The following FNDC3B variants were observed in gnomAD, a reference collection of about 807,000 sequenced individuals.
The protein encoded by FNDC3B is fibronectin type III domain-containing protein 3B.
A neutral mutation model predicts 151.5 loss-of-function variants in FNDC3B; 12 were observed. The ratio of observed to expected loss-of-function variants is 0.08; its 90% CI spans 0.05 to 0.13. The LOEUF is 0.13. FNDC3B is among the 10% of genes least tolerant of loss of function. The pLI is 1.00. For missense variants in FNDC3B, 1,214 were observed against 1,505.3 expected (o/e 0.81, Z 3.20); for synonymous variants, 528 against 549.0 (o/e 0.96, Z 0.54).
In FNDC3B at chr3:172,185,874, G is replaced by C. The variant is rs574610292; in HGVS notation, c.188-40997G>C. On this transcript the variant is annotated intron_variant, in intron 3 of 25. Coordinates refer to ENST00000415807, the MANE Select transcript of FNDC3B (RefSeq NM_022763.4). ...CTTTGCCACTCTCAAATTCAGTCCAGTAAGTGTATTGAATTTTCACCAAAT... is the reference window on the plus strand; with the variant it reads ...CTTTGCCACTCTCAAATTCAGTCCACTAAGTGTATTGAATTTTCACCAAAT... 4.6e-5 allele frequency among the ~76,000 whole-genome samples: 7 copies of C among 152,336 alleles called. No homozygotes were observed. The South Asian group carries it at 1.4e-3, about 32-fold the overall frequency.
Position 172,082,491 on chromosome 3 carries a change from A to G in FNDC3B, c.-28-29961A>G, listed in dbSNP as rs569248482. 2.6e-5 allele frequency among the ~76,000 whole-genome samples: 4 copies of G among 152,216 alleles called. No individual in the cohort carries two copies. The South Asian group carries it at 8.3e-4, about 32-fold the overall frequency. On this transcript the variant is annotated intron_variant, in intron 1 of 25. Transcript: ENST00000415807. ...AGGACAGCCAAATTCCATTATAAGC[A>G]CATCATGGGATTATAGGGCCGGGAG...
chr3:172,272,666 A>G (rs1031412606), intron 6 of FNDC3B, among the ~76,000 whole-genome samples: 1 of 152,200 alleles, frequency 6.6e-6, no homozygotes, highest in African/African-American at 2.4e-5. Context: ...CTAAAAACCG[A>G]ATATGATGAT....
intron 9 of FNDC3B, among the ~76,000 whole-genome samples, chr3:172,299,052 T>C (rs1420881016): frequency 1.3e-5 from 2 of 152,246 alleles, no homozygotes; most frequent in Non-Finnish European, 2.9e-5. Flanking sequence ...CTAAGATCTA[T>C]TGGACTATGG....
intron 21 of FNDC3B, among the ~76,000 whole-genome samples, chr3:172,349,523 GT>G (rs1733760620): frequency 6.6e-6 from 1 of 152,120 alleles, no homozygotes; most frequent in Non-Finnish European, 1.5e-5. Flanking sequence ...ATCAAGAAAT[GT>G]TTTCCATAGA....
intron 1 of FNDC3B, among the ~76,000 whole-genome samples, chr3:172,090,448 A>G (rs1428916157): frequency 1.3e-5 from 2 of 152,062 alleles, no homozygotes; most frequent in Non-Finnish European, 2.9e-5. Context: ...AAACAAACAA[A>G]CAAACAGGGA....
Position 172,101,556 on chromosome 3 carries a change from T to C in FNDC3B, c.-28-10896T>C, listed in dbSNP as rs143730895. Among the ~76,000 whole-genome samples the C allele has an allele frequency of 7.7e-3, 1,167 of 152,324 alleles. 8 individuals carry two copies. Among genetic ancestry groups the C allele is most frequent in the Non-Finnish European group, 0.011 (768 of 68,032 alleles). ...GGTACCTTTCAGCTAGGTCCTTCTT[T>C]TGGAATATTGTTATTATTAAAGGGA... On this transcript the variant is annotated intron_variant, in intron 1 of 25. Transcript: ENST00000415807.
intron 11 of FNDC3B, among the ~76,000 whole-genome samples, chr3:172,325,303 G>A (rs1254170073): frequency 6.6e-6 from 1 of 152,138 alleles, no homozygotes; most frequent in Non-Finnish European, 1.5e-5. Context: ...AGGCGGGAAC[G>A]TGCCATAGAT....
At chr3:172,104,651 C>T (rs1254322144) in intron 1 of FNDC3B, among the ~76,000 whole-genome samples, 2 of 152,144 alleles carry the variant, frequency 1.3e-5, no homozygotes, top group African/African-American at 4.8e-5. Flanking sequence ...GCTAATTCCA[C>T]ATGGGCAGAG....
intron 6 of FNDC3B, among the ~76,000 whole-genome samples, chr3:172,265,398 G>T (rs997520550): frequency 2.0e-5 from 3 of 151,996 alleles, no homozygotes; most frequent in African/African-American, 7.2e-5. Context: ...GATGTTTTTT[G>T]CAAATAGATA....
chr3:172,158,020 C>A (rs1722582610), intron 3 of FNDC3B, among the ~76,000 whole-genome samples: 2 of 152,140 alleles, frequency 1.3e-5, no homozygotes, highest in Non-Finnish European at 2.9e-5. Flanking sequence ...CTCCTTCTAC[C>A]CTGTGTGGAC....
intron 6 of FNDC3B, among the ~76,000 whole-genome samples, chr3:172,264,479 A>G (rs936011305): frequency 1.3e-5 from 2 of 152,172 alleles, no homozygotes; most frequent in African/African-American, 4.8e-5. Context: ...ATTCTCATTC[A>G]TCTCTTTTTC....
At chr3:172,189,216 G>T (rs1724372423) in intron 3 of FNDC3B, among the ~76,000 whole-genome samples, 1 of 151,936 alleles carries the variant, frequency 6.6e-6, no homozygotes, top group South Asian at 2.1e-4. Context: ...GTTATTTTAG[G>T]GGGGAAGATT....
intron 23 of FNDC3B, among the ~76,000 whole-genome samples, chr3:172,371,463 C>T (rs553685): frequency 0.041 from 6,218 of 152,250 alleles, 162 homozygotes; most frequent in Non-Finnish European, 0.061. Context: ...AAAACTCATG[C>T]GTGCTTATTG....
chr3:172,363,166 T>C (rs890692693), intron 23 of FNDC3B, among the ~76,000 whole-genome samples: 6 of 152,160 alleles, frequency 3.9e-5, no homozygotes, highest in Admixed American at 2.0e-4. Flanking sequence ...AGCATTATAT[T>C]AGTCATGAGT....
intron 1 of FNDC3B, among the ~76,000 whole-genome samples, chr3:172,110,380 A>G (rs1366263203): frequency 6.6e-6 from 1 of 152,100 alleles, no homozygotes; most frequent in Non-Finnish European, 1.5e-5. Flanking sequence ...GTTGGACCAC[A>G]TGGAGTATAG....
intron 13 of FNDC3B, among the ~76,000 whole-genome samples, chr3:172,331,777 T>C (rs990341082): frequency 6.6e-6 from 1 of 152,188 alleles, no homozygotes; most frequent in Non-Finnish European, 1.5e-5. Context: ...CTCATTTTCT[T>C]CAAGTCTGTT....
intron 2 of FNDC3B, among the ~76,000 whole-genome samples, chr3:172,116,012 G>C (rs148054403): frequency 6.6e-6 from 1 of 152,104 alleles, no homozygotes; most frequent in Non-Finnish European, 1.5e-5. Flanking sequence ...TCTCTGTTGC[G>C]TTCTGGCTCT....
At chr3:172,197,749 G>T (rs1272567652) in intron 3 of FNDC3B, among the ~76,000 whole-genome samples, 1 of 152,144 alleles carries the variant, frequency 6.6e-6, no homozygotes, top group South Asian at 2.1e-4. Flanking sequence ...TTAGATCCAG[G>T]TTATCCATCT....
chr3:172,069,711 T>G (rs1717674750), intron 1 of FNDC3B, among the ~76,000 whole-genome samples: 1 of 152,228 alleles, frequency 6.6e-6, no homozygotes, highest in Admixed American at 6.5e-5. Flanking sequence ...GGGAGGGAGT[T>G]GTGGAATCTG....
Sources: gnomAD v4.1 joint callset for allele counts (sites outside exome capture counted in the v4.1 genomes callset) on GRCh38, gnomAD v4.1.1 for gene constraint, MANE v1.5 for transcripts, NCBI Gene and HGNC (gene_info 2026-07-23, HGNC 2026-07-21) for gene names.